Variants in TASOR2 observed in about 807,000 individuals in gnomAD.
TASOR2 encodes the protein protein TASOR 2.
Under a neutral mutation model 199.5 loss-of-function variants are expected in TASOR2, and 84 were observed. That is an observed-to-expected ratio of 0.42 (90% CI 0.35 to 0.50). The LOEUF is 0.50. Ranked by LOEUF, TASOR2 falls within the 20% of genes least tolerant of loss-of-function variation. TASOR2 has a pLI of 0.02. For missense variants in TASOR2, 2,796 were observed against 2,835.9 expected (o/e 0.99, Z 0.32); for synonymous variants, 1,103 against 1,046.6 (o/e 1.05, Z -1.04).
In TASOR2 at chr10:5,701,196, A is replaced by G. The variant is rs929614586; in HGVS notation, c.-287-11627A>G. Among the ~76,000 whole-genome samples the G allele has an allele frequency of 1.3e-5, 2 of 152,138 alleles. No individual in the cohort carries two copies. Among genetic ancestry groups the G allele is most frequent in the Non-Finnish European group, 2.9e-5 (2 of 68,002 alleles). On this transcript the variant is annotated intron_variant, in intron 1 of 20. Coordinates refer to ENST00000328090, the Ensembl canonical transcript of TASOR2. The surrounding 1 kb of genome is among the most constrained non-coding windows in gnomAD (Gnocchi z 4.9). Reference sequence around the variant, plus strand: ...TGGTCAGATTGTTTTGTTCTTCTGCATGTAGTTATCCAGTTTTCCCACCAC... The same window carrying G: ...TGGTCAGATTGTTTTGTTCTTCTGCGTGTAGTTATCCAGTTTTCCCACCAC...
Position 5,710,717 on chromosome 10 carries a change from A to G in TASOR2, c.-287-2106A>G, listed in dbSNP as rs928964295. Among the ~76,000 whole-genome samples, 4 of 152,142 alleles carry G rather than the reference A, an allele frequency of 2.6e-5. No individual in the cohort carries two copies. The highest frequency in any genetic ancestry group is 9.6e-5 in the African/African-American group (4 of 41,456). On this transcript the variant is annotated intron_variant, in intron 1 of 20. Transcript: ENST00000328090. The surrounding 1 kb of genome is among the most constrained non-coding windows in gnomAD (Gnocchi z 4.6). ...AGAGAAGTTGATAATCACAGTCTTCATTTCCAGAGTTACTTTTTAAAATAT... is the reference window on the plus strand; with the variant it reads ...AGAGAAGTTGATAATCACAGTCTTCGTTTCCAGAGTTACTTTTTAAAATAT...
exon 8 of TASOR2, chr10:5,724,530 A>G (rs765325194): frequency 2.1e-5 from 28 of 1,360,224 alleles, no homozygotes; most frequent in Non-Finnish European, 2.7e-5. Context: ...AAAACAAGCA[A>G]TTGGTAAGCA....
Position 5,742,381 on chromosome 10 carries a change from C to A in TASOR2, c.2612C>A (p.Pro871His), listed in dbSNP as rs374259665. 1.2e-6 allele frequency: 2 copies of A among 1,614,008 alleles called. No homozygotes were observed. Among genetic ancestry groups the A allele is most frequent in the African/African-American group, 2.7e-5 (2 of 74,914 alleles). The change falls in exon 14 of 21, where the codon CCT becomes CAT. Residue 871 changes from proline to histidine, a missense_variant. Around this residue, in one of 3 missense-constraint regions of TASOR2, gnomAD observed 1,941 missense variants for 1,924.9 expected, o/e 1.01. Coordinates refer to ENST00000328090, the Ensembl canonical transcript of TASOR2. The surrounding 1 kb of genome is among the most constrained non-coding windows in gnomAD (Gnocchi z 4.2). The stretch of plus-strand genomic sequence containing the variant: ...GCTGCTGAAGTATCCTTCCGTGATC[C>A]TAACTGCTTGCTTCCTTTCATTAAA...
Position 5,730,761 on chromosome 10 carries a change from A to G in TASOR2, c.762A>G (p.Ser254=). Reference sequence around the variant, plus strand: ...TTCCTCCAGCTGAAAAGTGCCCTTCAGAGTCTTTAACTCAGTTGAACTCTT... The same window carrying G: ...TTCCTCCAGCTGAAAAGTGCCCTTCGGAGTCTTTAACTCAGTTGAACTCTT... The change falls in exon 11 of 21, where the codon TCA becomes TCG. Residue 254 remains serine, a synonymous_variant. Transcript: ENST00000328090. This position sits in a 1 kb window ranked among gnomAD's most constrained non-coding sequence, Gnocchi z 4.1. 1 of 1,614,222 alleles carries G rather than the reference A, an allele frequency of 6.2e-7. No homozygotes were observed. Among genetic ancestry groups the G allele is most frequent in the Non-Finnish European group, 8.5e-7 (1 of 1,180,032 alleles).
chr10:5,697,111 G>A (rs190949060), intron 1 of TASOR2, among the ~76,000 whole-genome samples: 7 of 152,230 alleles, frequency 4.6e-5, no homozygotes, highest in Admixed American at 2.6e-4. Context: ...CCTATTAAGC[G>A]CCCTGATCAA....
rs138696511 is a variant in TASOR2, at chr10:5,736,718, A to G, written c.1447+1172A>G. Among the ~76,000 whole-genome samples the G allele has an allele frequency of 1.7e-3, 257 of 152,292 alleles. 1 individual carries two copies. The highest frequency in any genetic ancestry group is 5.9e-3 in the African/African-American group (244 of 41,564). On this transcript the variant is annotated intron_variant, in intron 12 of 20. Coordinates refer to ENST00000328090, the Ensembl canonical transcript of TASOR2. ...TACTAGAAAGTTTTGTTGTCACCTT[A>G]GTGAGACAAATACCAGCTTTCCTCC...
intron 1 of TASOR2, among the ~76,000 whole-genome samples, chr10:5,705,576 T>A (rs1838476265): frequency 1.3e-5 from 2 of 152,188 alleles, no homozygotes; most frequent in South Asian, 4.1e-4. Context: ...GCTATATAAT[T>A]TTTCAGTTGG....
In TASOR2 at chr10:5,701,204, AT is replaced by A. The variant is rs1837798869; in HGVS notation, c.-287-11618del. Among the ~76,000 whole-genome samples, 1 of 152,038 alleles carries A rather than the reference AT, an allele frequency of 6.6e-6. No individual in the cohort carries two copies. Among genetic ancestry groups the A allele is most frequent in the African/African-American group, 2.4e-5 (1 of 41,388 alleles). On this transcript the variant is annotated intron_variant, in intron 1 of 20. Coordinates refer to ENST00000328090, the Ensembl canonical transcript of TASOR2. The surrounding 1 kb of genome is among the most constrained non-coding windows in gnomAD (Gnocchi z 4.9). The stretch of plus-strand genomic sequence containing the variant: ...TTGTTTTGTTCTTCTGCATGTAGTT[AT>A]CCAGTTTTCCCACCACCGTTTATCA...
chr10:5,749,757 C>CA lies in TASOR2; in HGVS notation c.6338dup (p.Asn2113LysfsTer2). ...CTCGGAATGATATTTCACTTATTCTCAATGAGTATGCTGAATTCAACAAGG... is the reference window on the plus strand; with the variant it reads ...CTCGGAATGATATTTCACTTATTCTCAAATGAGTATGCTGAATTCAACAAGG... On this transcript the variant is annotated frameshift_variant, in exon 15 of 21. Coordinates refer to ENST00000328090, the Ensembl canonical transcript of TASOR2. LOFTEE classifies it high-confidence loss of function. The CA allele has an allele frequency of 1.2e-6, 2 of 1,614,156 alleles. No individual in the cohort carries two copies. Among genetic ancestry groups the CA allele is most frequent in the Non-Finnish European group, 1.7e-6 (2 of 1,180,006 alleles).
Position 5,685,958 on chromosome 10 carries a change from A to G in TASOR2, c.-288+783A>G, listed in dbSNP as rs1270477542. On this transcript the variant is annotated intron_variant, in intron 1 of 20. Transcript: ENST00000328090. This position sits in a 1 kb window ranked among gnomAD's most constrained non-coding sequence, Gnocchi z 5.4. Reference sequence around the variant, plus strand: ...AAGTGTATGGTATTATTGGAATGGCATTCGCGATCCTAGAGTCTACAGTGT... The same window carrying G: ...AAGTGTATGGTATTATTGGAATGGCGTTCGCGATCCTAGAGTCTACAGTGT... 1.3e-5 allele frequency among the ~76,000 whole-genome samples: 2 copies of G among 152,224 alleles called. No individual in the cohort carries two copies. Among genetic ancestry groups the G allele is most frequent in the South Asian group, 2.1e-4 (1 of 4,838 alleles).
At chr10:5,715,236 A>ATT (rs1301787270) in intron 2 of TASOR2, among the ~76,000 whole-genome samples, 26 of 113,870 alleles carry the variant, frequency 2.3e-4, no homozygotes, top group Admixed American at 4.8e-4. Context: ...TTTTTTTTAA[A>ATT]AAAAAACTGC....
chr10:5,761,284 TCA>T lies in TASOR2; in HGVS notation c.6993-3_6993-2del, dbSNP rs781532872. The T allele has an allele frequency of 1.5e-5, 24 of 1,609,622 alleles. No homozygotes were observed. Among genetic ancestry groups the T allele is most frequent in the African/African-American group, 9.4e-5 (7 of 74,794 alleles). The stretch of plus-strand genomic sequence containing the variant: ...ATATTTTAATATGCCTATGTATCTT[TCA>T]CAGAGTGGATTCAACTGCACATAAG... On this transcript the variant is annotated splice_region_variant and splice_polypyrimidine_tract_variant and intron_variant, in intron 18 of 20. Transcript: ENST00000328090.
chr10:5,741,358 C>T (rs755988334), intron 13 of TASOR2, among the ~76,000 whole-genome samples: 1 of 152,170 alleles, frequency 6.6e-6, no homozygotes, highest in Non-Finnish European at 1.5e-5. Flanking sequence ...ACATTCAGCT[C>T]CCTATTAATG....
intron 18 of TASOR2, among the ~76,000 whole-genome samples, chr10:5,759,425 C>T (rs1360467329): frequency 2.0e-5 from 3 of 152,178 alleles, no homozygotes; most frequent in Admixed American, 6.5e-5. Context: ...TTCACTAAGT[C>T]TAAAGCTGTA....
chr10:5,749,952 G>A (rs779791775), exon 15 of TASOR2: 3 of 1,613,960 alleles, frequency 1.9e-6, no homozygotes, highest in Non-Finnish European at 2.5e-6. Context: ...GAAGTGTTGT[G>A]AAAGAGGCTT....
In TASOR2 at chr10:5,720,624, A is replaced by T; in HGVS notation, c.-19A>T. 6.2e-7 allele frequency: 1 copy of T among 1,614,008 alleles called. No homozygotes were observed. The highest frequency in any genetic ancestry group is 8.5e-7 in the Non-Finnish European group (1 of 1,179,994). On this transcript the variant is annotated 5_prime_UTR_variant, in exon 4 of 21. Transcript: ENST00000328090. This position sits in a 1 kb window ranked among gnomAD's most constrained non-coding sequence, Gnocchi z 5.3. ...GTCCTTATGTAATTGTAGCTTTTCG[A>T]TACAGGGAATCTAAAACTATGGCAC... is the stretch of plus-strand genomic sequence containing the variant.
exon 15 of TASOR2, chr10:5,747,553 C>G (rs772520869): frequency 3.1e-6 from 5 of 1,614,098 alleles, no homozygotes; most frequent in Non-Finnish European, 4.2e-6. Context: ...AAATTGCACC[C>G]TTGAGATTGC....
chr10:5,686,014 G>A (rs1428068766), intron 1 of TASOR2, among the ~76,000 whole-genome samples: 1 of 152,138 alleles, frequency 6.6e-6, no homozygotes, highest in African/African-American at 2.4e-5. Context: ...TGAGCCTGGC[G>A]GTAATCCTGC....
In TASOR2 at chr10:5,717,745, ATTAAGG is replaced by A; in HGVS notation, c.-103_-100+2del. On this transcript the variant is annotated splice_donor_variant and 5_prime_UTR_variant, in exon 3 of 21. Transcript: ENST00000328090. LOFTEE classifies it low-confidence loss of function (5UTR_SPLICE). ...TGGTTATGTTGTAATTTTTAATATA[ATTAAGG>A]TAAAGCTTAAATGTGCTGTTACGTG... 1 of 1,169,656 alleles carries A rather than the reference ATTAAGG, an allele frequency of 8.5e-7. No homozygotes were observed. Among genetic ancestry groups the A allele is most frequent in the East Asian group, 3.2e-5 (1 of 31,384 alleles). The allele number at this position is 1,169,656 out of a possible 1,614,324, so 72.5% of individuals were successfully genotyped here. A position where few individuals can be genotyped will look rare whatever the true frequency, so the allele number is the denominator to read the frequency against.
Sources: allele counts gnomAD v4.1 joint callset (sites outside exome capture counted in the v4.1 genomes callset), GRCh38; gene constraint gnomAD v4.1.1; regional missense constraint gnomAD v4.1.1; non-coding constraint Gnocchi (gnomAD v3.1); transcripts MANE v1.5; gene names NCBI Gene and HGNC (gene_info 2026-07-23, HGNC 2026-07-21).